Variants in EPB41L4A observed in about 807,000 individuals in gnomAD.
The protein encoded by EPB41L4A is erythrocyte membrane protein band 4.1 like 4A.
Under a neutral mutation model 108.6 loss-of-function variants are expected in EPB41L4A, and 100 were observed. That is an observed-to-expected ratio of 0.92 (90% CI 0.78 to 1.09). EPB41L4A has a LOEUF of 1.09. Among genes scored for constraint, EPB41L4A ranks in the 50% least tolerant of loss-of-function variants. The pLI, the probability that EPB41L4A is intolerant of heterozygous loss-of-function variation, is 0.00. For synonymous variants in EPB41L4A, 319 were observed against 289.0 expected (o/e 1.10, Z -1.05); for missense variants, 1,030 against 842.7 (o/e 1.22, Z -2.75).
intron 1 of EPB41L4A, among the ~76,000 whole-genome samples, chr5:112,341,213 T>TA (rs1757295044): frequency 6.6e-6 from 1 of 152,240 alleles, no homozygotes. Context: ...GAGCCTGGTA[T>TA]GCAGGACACT....
intron 9 of EPB41L4A, among the ~76,000 whole-genome samples, chr5:112,248,563 C>G (rs1750405074): frequency 6.6e-6 from 1 of 152,140 alleles, no homozygotes. Context: ...TATTACTGCT[C>G]CATGGGTCTC....
chr5:112,225,017 G>A (rs961750512), intron 12 of EPB41L4A, among the ~76,000 whole-genome samples: 2 of 152,078 alleles, frequency 1.3e-5, no homozygotes, highest in African/African-American at 4.8e-5. Flanking sequence ...CACAATACCC[G>A]TCAAAGGCCG....
At chr5:112,200,912 T>C (rs2150286314) in intron 15 of EPB41L4A, among the ~76,000 whole-genome samples, 1 of 152,260 alleles carries the variant, frequency 6.6e-6, no homozygotes, top group East Asian at 1.9e-4. Context: ...AAATAGGAAA[T>C]TTTGACATCT....
chr5:112,221,316 T>A (rs1016733773), intron 12 of EPB41L4A, among the ~76,000 whole-genome samples: 1 of 152,240 alleles, frequency 6.6e-6, no homozygotes, highest in Non-Finnish European at 1.5e-5. Context: ...TGATATGTCC[T>A]GCCTGCATTC....
At chr5:112,365,490 A>T (rs1759064630) in intron 1 of EPB41L4A, among the ~76,000 whole-genome samples, 1 of 152,216 alleles carries the variant, frequency 6.6e-6, no homozygotes, top group African/African-American at 2.4e-5. Context: ...TTTTTAAATC[A>T]ACTTTGTTTT....
At chr5:112,346,386 G>A (rs1443802245) in intron 1 of EPB41L4A, among the ~76,000 whole-genome samples, 1 of 151,548 alleles carries the variant, frequency 6.6e-6, no homozygotes, top group East Asian at 1.9e-4. Flanking sequence ...ACCACACCTG[G>A]CTAATTTTTG....
chr5:112,348,281 G>A (rs1392605683), intron 1 of EPB41L4A, among the ~76,000 whole-genome samples: 1 of 152,130 alleles, frequency 6.6e-6, no homozygotes, highest in East Asian at 1.9e-4. Flanking sequence ...CATCATGCCT[G>A]TATTAAAGTT....
At chr5:112,406,983 T>C (rs780136128) in intron 1 of EPB41L4A, among the ~76,000 whole-genome samples, 2 of 152,154 alleles carry the variant, frequency 1.3e-5, no homozygotes, top group African/African-American at 2.4e-5. Flanking sequence ...GGCTGTCTGC[T>C]GCACTTTGGG....
chr5:112,334,050 G>GA (rs1756764399), intron 1 of EPB41L4A, among the ~76,000 whole-genome samples: 1 of 152,136 alleles, frequency 6.6e-6, no homozygotes, highest in African/African-American at 2.4e-5. Context: ...CGGGGTGAGG[G>GA]CAGTCAGACA....
At chr5:112,270,826 C>T (rs1432045924) in intron 4 of EPB41L4A, among the ~76,000 whole-genome samples, 2 of 152,138 alleles carry the variant, frequency 1.3e-5, no homozygotes, top group East Asian at 3.9e-4. Flanking sequence ...AACATAATAT[C>T]AATCCTCAGC....
chr5:112,330,906 C>T (rs930201465), intron 1 of EPB41L4A, among the ~76,000 whole-genome samples: 14 of 152,058 alleles, frequency 9.2e-5, no homozygotes, highest in Non-Finnish European at 7.3e-5. Flanking sequence ...TGAGGAGGGG[C>T]CTGCACTCTT....
chr5:112,286,718 T>C (rs1386357221), intron 2 of EPB41L4A, among the ~76,000 whole-genome samples: 1 of 152,190 alleles, frequency 6.6e-6, no homozygotes, highest in Non-Finnish European at 1.5e-5. Flanking sequence ...CTGTTCTCTT[T>C]CCTGCATCAT....
intron 1 of EPB41L4A, among the ~76,000 whole-genome samples, chr5:112,336,324 TC>T (rs1278806564): frequency 6.6e-6 from 1 of 152,150 alleles, no homozygotes; most frequent in African/African-American, 2.4e-5. Context: ...AGTGGGCTGT[TC>T]AGAGTTAGGT....
intron 3 of EPB41L4A, among the ~76,000 whole-genome samples, chr5:112,279,567 G>A (rs1318095869): frequency 6.6e-6 from 1 of 152,038 alleles, no homozygotes; most frequent in Non-Finnish European, 1.5e-5. Context: ...ACACAAAAAT[G>A]GTTAAAAGGA....
chr5:112,187,833 G>GTAAAAT, intron 17 of EPB41L4A, among the ~76,000 whole-genome samples: 1 of 152,306 alleles, frequency 6.6e-6, no homozygotes, highest in East Asian at 1.9e-4. Flanking sequence ...CAGAGAGAAT[G>GTAAAAT]TAAAATGAAG....
chr5:112,316,725 C>A (rs1341508399), intron 1 of EPB41L4A, among the ~76,000 whole-genome samples: 1 of 152,178 alleles, frequency 6.6e-6, no homozygotes, highest in Non-Finnish European at 1.5e-5. Flanking sequence ...TGGCTTAAAG[C>A]AACAAGTTGC....
intron 1 of EPB41L4A, among the ~76,000 whole-genome samples, chr5:112,411,379 C>T (rs1227287583): frequency 1.3e-5 from 2 of 152,130 alleles, no homozygotes. Context: ...TCTCCCACTT[C>T]TAACAACCAC....
At chr5:112,240,577 T>C (rs949077788) in intron 10 of EPB41L4A, 142 bp downstream of exon 10, 6 of 568,810 alleles carry the variant, frequency 1.1e-5, no homozygotes, top group Non-Finnish European at 1.9e-5. Flanking sequence ...TTTGTATTAA[T>C]ATAATCCAGA....
chr5:112,226,080 A>G (rs1748429337), intron 12 of EPB41L4A, among the ~76,000 whole-genome samples: 1 of 152,194 alleles, frequency 6.6e-6, no homozygotes, highest in Admixed American at 6.5e-5. Flanking sequence ...CTGTGGGACT[A>G]TGGAATCAGA....
Sources: gnomAD v4.1 joint callset for allele counts (sites outside exome capture counted in the v4.1 genomes callset) on GRCh38, gnomAD v4.1.1 for gene constraint, MANE v1.5 for transcripts, NCBI Gene and HGNC (gene_info 2026-07-23, HGNC 2026-07-21) for gene names.